SOX5: variants seen among roughly 807,000 people sequenced by gnomAD.
SOX5 encodes SRY-box transcription factor 5.
Under a neutral mutation model 92.0 loss-of-function variants are expected in SOX5, and 9 were observed. The observed-to-expected ratio is 0.10, with a 90% confidence interval of 0.06 to 0.17. The LOEUF (loss-of-function observed/expected upper bound fraction) is 0.17, where lower values mean the gene tolerates loss of function less well. Among genes scored for constraint, SOX5 ranks in the 10% least tolerant of loss-of-function variants. SOX5 has a pLI of 1.00. For missense variants in SOX5, 642 were observed against 944.5 expected (o/e 0.68, Z 4.20); for synonymous variants, 344 against 336.3 (o/e 1.02, Z -0.25).
At chr12:24,206,882 A>C (rs1958074778) in intron 4 of SOX5, among the ~76,000 whole-genome samples, 1 of 152,224 alleles carries the variant, frequency 6.6e-6, no homozygotes, top group Non-Finnish European at 1.5e-5. Context: ...GAGTGCCACA[A>C]ACCAGTAGTG....
intron 1 of SOX5, among the ~76,000 whole-genome samples, chr12:24,549,240 T>C (rs373710253): frequency 3.5e-4 from 54 of 152,324 alleles, no homozygotes; most frequent in African/African-American, 1.3e-3. Context: ...TTCCACAATT[T>C]GCAATCATAA....
chr12:24,429,650 A>C (rs114295342), intron 1 of SOX5, among the ~76,000 whole-genome samples: 2,204 of 151,506 alleles, frequency 0.015, 49 homozygotes, highest in African/African-American at 0.049. Context: ...ACACACACAC[A>C]CCCCATGAGC....
At chr12:23,939,751 T>C (rs1391457473) in intron 1 of SOX5, among the ~76,000 whole-genome samples, 2 of 150,976 alleles carry the variant, frequency 1.3e-5, no homozygotes, top group Non-Finnish European at 3.0e-5. Context: ...GATACAGCTT[T>C]TTAAATGCAT....
At chr12:23,726,146 AGAGAGAGAGAGAGAGAGAGAGAGAGAGAG>A (rs2093111866) in intron 6 of SOX5, among the ~76,000 whole-genome samples, 1 of 27,310 alleles carries the variant, frequency 3.7e-5, no homozygotes, top group Non-Finnish European at 1.2e-4. Context: ...AGAGAGAGAG[AGAGAGAGAGAGAGAGAGAGAGAGAGAGAG>A]GTCAGTTTCT....
rs532764221 is a variant in SOX5, at chr12:24,463,708, G to C, written c.-250-95069C>G. 2.6e-5 allele frequency among the ~76,000 whole-genome samples: 4 copies of C among 152,284 alleles called. No homozygotes were observed. In the East Asian group the frequency reaches 7.7e-4, roughly 29 times the overall value. On this transcript the variant is annotated intron_variant, in intron 1 of 4. Transcript: ENST00000446891. ...TATAGGGAGAGCACTGGTGCCATTG[G>C]TTAAGATAGCAAATTGATTTCTTCA...
intron 2 of SOX5, among the ~76,000 whole-genome samples, chr12:24,355,602 T>A (rs1224030659): frequency 1.3e-5 from 2 of 152,162 alleles, no homozygotes; most frequent in East Asian, 3.8e-4. Context: ...TTTCCTTAGA[T>A]CATTTTATAA....
chr12:23,766,781 GA>G (rs540954323), intron 3 of SOX5, among the ~76,000 whole-genome samples: 4 of 151,776 alleles, frequency 2.6e-5, no homozygotes, highest in African/African-American at 9.7e-5. Flanking sequence ...TTTAATGCAA[GA>G]AAAAAAGTCA....
chr12:23,818,374 A>G (rs950394412), intron 3 of SOX5, among the ~76,000 whole-genome samples: 3 of 152,202 alleles, frequency 2.0e-5, no homozygotes, highest in African/African-American at 7.2e-5. Context: ...ATTCAAACAT[A>G]TCTAAATACA....
chr12:24,506,782 G>GTAT (rs1386116375), intron 1 of SOX5, among the ~76,000 whole-genome samples: 1 of 80,282 alleles, frequency 1.2e-5, no homozygotes, highest in East Asian at 7.8e-4. Context: ...TATCCAAATG[G>GTAT]TCTTTTTTTT....
chr12:23,981,470 G>A (rs887325355), intron 4 of SOX5, among the ~76,000 whole-genome samples: 1 of 152,144 alleles, frequency 6.6e-6, no homozygotes, highest in Non-Finnish European at 1.5e-5. Flanking sequence ...TTAAAATATG[G>A]ATCATGTACT....
At chr12:24,303,065 G>A (rs890638826) in intron 2 of SOX5, among the ~76,000 whole-genome samples, 1 of 151,956 alleles carries the variant, frequency 6.6e-6, no homozygotes, top group Admixed American at 6.6e-5. Context: ...TATAAGACAA[G>A]GCTTACAAAT....
intron 4 of SOX5, among the ~76,000 whole-genome samples, chr12:23,753,267 A>C (rs1225217831): frequency 6.6e-6 from 1 of 151,784 alleles, no homozygotes; most frequent in Non-Finnish European, 1.5e-5. Context: ...CACTGATAGG[A>C]ATTTAAAACA....
At chr12:23,946,414 G>A (rs1364518048) in intron 1 of SOX5, among the ~76,000 whole-genome samples, 2 of 151,728 alleles carry the variant, frequency 1.3e-5, no homozygotes, top group Non-Finnish European at 2.9e-5. Flanking sequence ...CAACCAAAGA[G>A]GACAGATAAA....
At chr12:23,850,524 G>A (rs1294527761) in intron 2 of SOX5, among the ~76,000 whole-genome samples, 4 of 150,440 alleles carry the variant, frequency 2.7e-5, no homozygotes, top group Non-Finnish European at 4.4e-5. Flanking sequence ...AAAATATCTT[G>A]AAAGCTATAA....
chr12:24,177,304 T>C (rs972095552), intron 4 of SOX5, among the ~76,000 whole-genome samples: 3 of 152,210 alleles, frequency 2.0e-5, no homozygotes, highest in African/African-American at 7.2e-5. Context: ...ACTTCAAATA[T>C]AAGCAATCTA....
intron 4 of SOX5, among the ~76,000 whole-genome samples, chr12:24,026,774 G>A (rs1416377025): frequency 1.3e-5 from 2 of 151,996 alleles, no homozygotes; most frequent in African/African-American, 4.8e-5. Context: ...AAAAGCGGAA[G>A]CCACTGAGGG....
At chr12:24,506,705 A>G (rs1948779225) in intron 1 of SOX5, among the ~76,000 whole-genome samples, 1 of 151,660 alleles carries the variant, frequency 6.6e-6, no homozygotes, top group Non-Finnish European at 1.5e-5. Flanking sequence ...TAAAATTTAG[A>G]CAGATAATCA....
intron 4 of SOX5, among the ~76,000 whole-genome samples, chr12:24,185,906 A>G (rs576016758): frequency 1.1e-4 from 17 of 152,282 alleles, no homozygotes; most frequent in African/African-American, 3.8e-4. Flanking sequence ...GCTGACATGG[A>G]GAAATTATAG....
intron 13 of SOX5, among the ~76,000 whole-genome samples, chr12:23,542,071 C>T (rs1942180104): frequency 1.3e-5 from 2 of 152,240 alleles, no homozygotes; most frequent in South Asian, 2.1e-4. Flanking sequence ...GATCACACCA[C>T]TGCACTCCAG....
Sources: gnomAD v4.1 joint callset for allele counts (sites outside exome capture counted in the v4.1 genomes callset) on GRCh38, gnomAD v4.1.1 for gene constraint, MANE v1.5 for transcripts, NCBI Gene and HGNC (gene_info 2026-07-23, HGNC 2026-07-21) for gene names.